CACNA2D1: variants seen among roughly 807,000 people sequenced by gnomAD.
The protein encoded by CACNA2D1 is calcium voltage-gated channel auxiliary subunit alpha2delta 1.
CACNA2D1 carries 53 observed loss-of-function variants against 171.5 expected under a neutral mutation model. That is an observed-to-expected ratio of 0.31 (90% CI 0.25 to 0.39). CACNA2D1 has a LOEUF of 0.39. Among genes scored for constraint, CACNA2D1 ranks in the 10% least tolerant of loss-of-function variants. The probability of loss-of-function intolerance (pLI) is 1.00; values close to 1 mark genes in which losing one functional copy is unlikely to be tolerated. For missense variants in CACNA2D1, 903 were observed against 1,299.8 expected, an observed-to-expected ratio of 0.69 and a Z score of 4.69; for synonymous variants, 442 against 443.1, an observed-to-expected ratio of 1.00 and a Z score of 0.03.
chr7:82,344,881 G>A (rs1388707634), intron 2 of CACNA2D1, among the ~76,000 whole-genome samples: 1 of 152,092 alleles, frequency 6.6e-6, no homozygotes, highest in African/African-American at 2.4e-5. Context: ...TTTATTTAAA[G>A]TGAGAAAGCA....
intron 12 of CACNA2D1, among the ~76,000 whole-genome samples, chr7:82,019,016 A>T (rs1423012542): frequency 2.7e-5 from 4 of 150,390 alleles, no homozygotes; most frequent in African/African-American, 9.8e-5. Context: ...TGGATGGGGT[A>T]ATTAACTTAA....
chr7:82,068,246 C>T (rs1298558136), intron 7 of CACNA2D1, among the ~76,000 whole-genome samples: 1 of 152,106 alleles, frequency 6.6e-6, no homozygotes, highest in Non-Finnish European at 1.5e-5. Flanking sequence ...CTGTACCCCT[C>T]CAGCCCCGCC....
chr7:82,303,469 C>T (rs1043950561), intron 3 of CACNA2D1, among the ~76,000 whole-genome samples: 1 of 119,758 alleles, frequency 8.4e-6, no homozygotes, highest in African/African-American at 3.1e-5. Context: ...AAAAAAAAAA[C>T]TCAAGTAGCC....
At chr7:82,119,578 T>C (rs1430611478) in intron 5 of CACNA2D1, among the ~76,000 whole-genome samples, 1 of 152,236 alleles carries the variant, frequency 6.6e-6, no homozygotes, top group Non-Finnish European at 1.5e-5. Flanking sequence ...TGATTTTTAA[T>C]ATTTTGTTCT....
At chr7:82,289,884 T>G (rs766056684) in intron 3 of CACNA2D1, among the ~76,000 whole-genome samples, 2 of 152,198 alleles carry the variant, frequency 1.3e-5, no homozygotes, top group Non-Finnish European at 2.9e-5. Context: ...GGACATGACA[T>G]ACTGTCCCCA....
chr7:82,242,199 C>T (rs1378981406), intron 3 of CACNA2D1, among the ~76,000 whole-genome samples: 1 of 151,994 alleles, frequency 6.6e-6, no homozygotes, highest in Non-Finnish European at 1.5e-5. Context: ...TGAATTTTAT[C>T]GCCAAGAGTA....
intron 6 of CACNA2D1, among the ~76,000 whole-genome samples, chr7:82,090,476 A>G (rs1811024860): frequency 6.6e-6 from 1 of 152,104 alleles, no homozygotes; most frequent in Non-Finnish European, 1.5e-5. Context: ...ATTTCATGTA[A>G]TTTATAATAC....
At chr7:82,169,649 G>C (rs984227052) in intron 4 of CACNA2D1, among the ~76,000 whole-genome samples, 1 of 151,948 alleles carries the variant, frequency 6.6e-6, no homozygotes, top group African/African-American at 2.4e-5. Context: ...TCAAATTTGA[G>C]ACTTTTGCTT....
rs1796745626 is a variant in CACNA2D1 at position 81,984,396 on chromosome 7, G to C, written c.1873+239C>G. 2.6e-5 allele frequency among the ~76,000 whole-genome samples: 4 copies of C among 152,144 alleles called. No individual in the cohort carries two copies. In the South Asian group the frequency reaches 8.3e-4, roughly 32 times the overall value. ...CAATGATTCTATGAGCACATAGCAA[G>C]GCAGGGAAGGGTGGTGGGGACTGCC... On this transcript the variant is annotated intron_variant, in intron 22 of 38. Coordinates refer to ENST00000356860, the MANE Select transcript of CACNA2D1 (RefSeq NM_000722.4).
intron 29 of CACNA2D1, among the ~76,000 whole-genome samples, chr7:81,968,395 A>AT (rs1794928499): frequency 6.6e-6 from 1 of 151,420 alleles, no homozygotes; most frequent in Middle Eastern, 3.4e-3. Context: ...TTTTCTATAT[A>AT]TTTTATAGCA....
At chr7:82,085,281 C>A (rs924493260) in intron 6 of CACNA2D1, among the ~76,000 whole-genome samples, 1 of 152,062 alleles carries the variant, frequency 6.6e-6, no homozygotes, top group African/African-American at 2.4e-5. Flanking sequence ...CTCCCCACCC[C>A]CAAGTTGTGA....
intron 3 of CACNA2D1, among the ~76,000 whole-genome samples, chr7:82,198,166 C>T (rs1474726464): frequency 6.6e-6 from 1 of 152,062 alleles, no homozygotes; most frequent in Non-Finnish European, 1.5e-5. Flanking sequence ...ACTCTACAGA[C>T]ATAATATTTG....
intron 37 of CACNA2D1, 48 bp from the exon 38 acceptor site, chr7:81,959,405 T>C (rs1184490083): frequency 7.9e-7 from 1 of 1,272,672 alleles, no homozygotes; most frequent in Admixed American, 1.7e-5. Context: ...TTTCACATGA[T>C]TAAAAATAAA....
At chr7:82,199,071 G>A (rs1313569237) in intron 3 of CACNA2D1, among the ~76,000 whole-genome samples, 1 of 151,982 alleles carries the variant, frequency 6.6e-6, no homozygotes, top group Non-Finnish European at 1.5e-5. Context: ...GTTTATAGCT[G>A]TAATAATCAC....
chr7:82,093,811 C>A (rs1584722698), intron 6 of CACNA2D1, among the ~76,000 whole-genome samples: 1 of 152,108 alleles, frequency 6.6e-6, no homozygotes, highest in Non-Finnish European at 1.5e-5. Context: ...CAGGCACACA[C>A]ACACAAAATT....
chr7:82,286,798 C>A (rs930008543), intron 3 of CACNA2D1, among the ~76,000 whole-genome samples: 2 of 152,014 alleles, frequency 1.3e-5, no homozygotes, highest in Non-Finnish European at 2.9e-5. Context: ...GTTTTTGCTT[C>A]TTTAGCCAAG....
At chr7:82,151,362 T>C (rs572400826) in intron 4 of CACNA2D1, among the ~76,000 whole-genome samples, 1 of 152,276 alleles carries the variant, frequency 6.6e-6, no homozygotes, top group Non-Finnish European at 1.5e-5. Context: ...GACAAAGTTG[T>C]ACCAAGGAAA....
chr7:82,207,519 A>G (rs1800124407), intron 3 of CACNA2D1, among the ~76,000 whole-genome samples: 1 of 150,296 alleles, frequency 6.7e-6, no homozygotes, highest in Non-Finnish European at 1.5e-5. Context: ...ATTAGAGAAG[A>G]TTTGAGGTTA....
chr7:82,423,510 T>C (rs1320257220), intron 1 of CACNA2D1, among the ~76,000 whole-genome samples: 1 of 152,176 alleles, frequency 6.6e-6, no homozygotes, highest in Admixed American at 6.5e-5. Flanking sequence ...AAATAGTAAA[T>C]GTTCTAAAGA....
Sources: allele counts gnomAD v4.1 joint callset (sites outside exome capture counted in the v4.1 genomes callset), GRCh38; gene constraint gnomAD v4.1.1; transcripts MANE v1.5; gene names NCBI Gene and HGNC (gene_info 2026-07-23, HGNC 2026-07-21).